Variants in ATRNL1 observed in about 807,000 individuals in gnomAD.
ATRNL1 encodes attractin like 1.
In ATRNL1, 95 loss-of-function variants were observed where a neutral mutation model predicts 182.7. That is an observed-to-expected ratio of 0.52 (90% CI 0.44 to 0.62). The LOEUF is 0.62. ATRNL1 is among the 20% of genes least tolerant of loss of function. The pLI, the probability that ATRNL1 is intolerant of heterozygous loss-of-function variation, is 0.00. For missense variants in ATRNL1, 1,471 were observed against 1,679.5 expected (o/e 0.88, Z 2.17); for synonymous variants, 576 against 568.3 (o/e 1.01, Z -0.19).
At chr10:115,557,917 C>T (rs183298633) in intron 26 of ATRNL1, among the ~76,000 whole-genome samples, 4 of 151,848 alleles carry the variant, frequency 2.6e-5, no homozygotes, top group African/African-American at 7.2e-5. Context: ...TGGTGGTGCA[C>T]GCCTGTAGTC....
chr10:115,374,650 G>A (rs1554949041), intron 19 of ATRNL1, among the ~76,000 whole-genome samples: 1 of 150,898 alleles, frequency 6.6e-6, no homozygotes, highest in Non-Finnish European at 1.5e-5. Flanking sequence ...GTATTGTTTT[G>A]TTCAACCCAT....
At chr10:115,510,520 G>A (rs10787575) in intron 24 of ATRNL1, among the ~76,000 whole-genome samples, 1 of 151,712 alleles carries the variant, frequency 6.6e-6, no homozygotes, top group African/African-American at 2.4e-5. Context: ...ATCATTAGCA[G>A]TTTTTAGCCA....
Position 115,108,388 on chromosome 10 carries a change from G to A in ATRNL1, c.294-11797G>A, listed in dbSNP as rs112874901. On this transcript the variant is annotated intron_variant, in intron 1 of 28. Coordinates refer to ENST00000355044, the MANE Select transcript of ATRNL1 (RefSeq NM_207303.4). The stretch of plus-strand genomic sequence containing the variant: ...AGGAGTAGAGGTTTAATAGGTAGAA[G>A]ATAAGAGAAAGAGAAACAGCCTCCT... 9.4e-3 allele frequency among the ~76,000 whole-genome samples: 1,434 copies of A among 152,280 alleles called. 10 individuals are homozygous for A. Among genetic ancestry groups the A allele is most frequent in the Non-Finnish European group, 0.016 (1,069 of 68,024 alleles).
chr10:115,901,934 C>G (rs1325031713), intron 28 of ATRNL1, among the ~76,000 whole-genome samples: 1 of 151,982 alleles, frequency 6.6e-6, no homozygotes, highest in Non-Finnish European at 1.5e-5. Context: ...TAAAGATTGA[C>G]CTAGGAAAGA....
chr10:115,111,029 T>C (rs577202124), intron 1 of ATRNL1, among the ~76,000 whole-genome samples: 3 of 152,316 alleles, frequency 2.0e-5, no homozygotes, highest in South Asian at 4.1e-4. Flanking sequence ...ATACTTCCAG[T>C]CTACCATTTG....
chr10:115,738,127 T>TTTTTTTTTGTTTTTTTTG lies in ATRNL1; in HGVS notation c.3903+10780_3903+10781insGTTTTTTTTGTTTTTTTT, dbSNP rs1948017955. 3.1e-4 allele frequency among the ~76,000 whole-genome samples: 7 copies of TTTTTTTTTGTTTTTTTTG among 22,646 alleles called. 1 individual carries two copies. The highest frequency in any genetic ancestry group is 1.2e-3 in the African/African-American group (7 of 6,068). The allele number at this position is 22,646 out of a possible 152,430, so 14.9% of individuals were successfully genotyped here. A position where few individuals can be genotyped will look rare whatever the true frequency, so the allele number is the denominator to read the frequency against. ...TAAAAAATGATTTAGAAGATAATGA[T>TTTTTTTTTGTTTTTTTTG]TTTTTTTTTTTTTTTTTTTTTTTTT... On this transcript the variant is annotated intron_variant, in intron 27 of 28. Transcript: ENST00000355044.
At chr10:115,377,414 T>C (rs1857736752) in intron 19 of ATRNL1, among the ~76,000 whole-genome samples, 1 of 152,196 alleles carries the variant, frequency 6.6e-6, no homozygotes, top group Admixed American at 6.5e-5. Context: ...CCATTAAACC[T>C]ATTCTTCTTC....
chr10:115,684,200 TCTA>T (rs1159094361), intron 26 of ATRNL1, among the ~76,000 whole-genome samples: 3 of 151,496 alleles, frequency 2.0e-5, no homozygotes, highest in African/African-American at 7.2e-5. Context: ...ATTTAAACTT[TCTA>T]CTTTTTGTTA....
intron 19 of ATRNL1, among the ~76,000 whole-genome samples, chr10:115,382,332 C>T (rs1858062281): frequency 6.6e-6 from 1 of 151,956 alleles, no homozygotes; most frequent in African/African-American, 2.4e-5. Context: ...CATGGGCTGT[C>T]TTTCAATTTA....
At position 115,269,076 on chromosome 10, in the gene ATRNL1, A is replaced by G. The variant is rs190439968; in HGVS notation, c.2100+632A>G. On this transcript the variant is annotated intron_variant, in intron 13 of 28. Coordinates refer to ENST00000355044, the MANE Select transcript of ATRNL1 (RefSeq NM_207303.4). ...GATTTTTTAACGTCCTTTTTCATCT[A>G]AAGTAGAGTTTTAGCACTATTGACA... is the stretch of plus-strand genomic sequence containing the variant. Among the ~76,000 whole-genome samples the G allele has an allele frequency of 1.7e-4, 26 of 152,282 alleles. No individual in the cohort carries two copies. The East Asian group carries it at 4.8e-3, about 28-fold the overall frequency.
At chr10:115,182,246 A>G (rs551559373) in intron 8 of ATRNL1, among the ~76,000 whole-genome samples, 7 of 151,668 alleles carry the variant, frequency 4.6e-5, no homozygotes, top group Non-Finnish European at 8.9e-5. Flanking sequence ...GAATCATGAT[A>G]AATGCTGATT....
chr10:115,353,757 G>A (rs1179928068), intron 19 of ATRNL1, among the ~76,000 whole-genome samples: 1 of 151,584 alleles, frequency 6.6e-6, no homozygotes, highest in African/African-American at 2.4e-5. Context: ...ATTACTGTGA[G>A]GCTTGCAAAA....
intron 26 of ATRNL1, among the ~76,000 whole-genome samples, chr10:115,630,661 AAT>A (rs1478996171): frequency 2.0e-5 from 3 of 148,970 alleles, no homozygotes; most frequent in African/African-American, 7.3e-5. Flanking sequence ...TAAATATTTA[AAT>A]ATATATTTAC....
intron 13 of ATRNL1, among the ~76,000 whole-genome samples, chr10:115,270,842 A>T (rs1046155744): frequency 3.3e-5 from 5 of 152,108 alleles, no homozygotes; most frequent in Non-Finnish European, 7.4e-5. Flanking sequence ...GGAAAAGTTG[A>T]CACATAAAAT....
intron 5 of ATRNL1, among the ~76,000 whole-genome samples, chr10:115,154,734 A>G (rs781875306): frequency 9.9e-5 from 15 of 152,062 alleles, no homozygotes; most frequent in African/African-American, 1.4e-4. Context: ...TTTAAATCCA[A>G]TGTTTCTTTT....
intron 28 of ATRNL1, among the ~76,000 whole-genome samples, chr10:115,856,428 C>CAAAAAAAAAAAAAACAAAAAAA (rs1951184497): frequency 4.4e-5 from 1 of 22,536 alleles, no homozygotes; most frequent in Non-Finnish European, 8.2e-5. Flanking sequence ...AGCTCCATCT[C>CAAAAAAAAAAAAAACAAAAAAA]AAAAAAAAAA....
rs188644865 is a variant in ATRNL1 at position 115,779,185 on chromosome 10, A to C, written c.3903+51830A>C. On this transcript the variant is annotated intron_variant, in intron 27 of 28. Coordinates refer to ENST00000355044, the MANE Select transcript of ATRNL1 (RefSeq NM_207303.4). ...TTCAAGCTTAGCACCTGGGAGTTTGATGGTGCTTCTAATAGAAATGGAAAT... is the reference window on the plus strand; with the variant it reads ...TTCAAGCTTAGCACCTGGGAGTTTGCTGGTGCTTCTAATAGAAATGGAAAT... 7.2e-5 allele frequency among the ~76,000 whole-genome samples: 11 copies of C among 152,310 alleles called. No individual in the cohort carries two copies. In the East Asian group the frequency reaches 2.1e-3, roughly 29 times the overall value.
Position 115,238,138 on chromosome 10 carries a change from G to T in ATRNL1, c.1533-3433G>T, listed in dbSNP as rs1035333771. Among the ~76,000 whole-genome samples, 5 of 152,006 alleles carry T rather than the reference G, an allele frequency of 3.3e-5. No homozygotes were observed. In the East Asian group the frequency reaches 9.6e-4, roughly 29 times the overall value. ...AGTCCCAGGGACTGACTTGATTATT[G>T]TAGCTTTATAGTAAGTCCCAAAGCC... is the stretch of plus-strand genomic sequence containing the variant. On this transcript the variant is annotated intron_variant, in intron 9 of 28. Transcript: ENST00000355044.
intron 10 of ATRNL1, among the ~76,000 whole-genome samples, chr10:115,257,438 C>G (rs1263123825): frequency 6.6e-6 from 1 of 152,166 alleles, no homozygotes; most frequent in Non-Finnish European, 1.5e-5. Flanking sequence ...TTATCAGAGA[C>G]TAGGATTGCA....
Sources: allele counts gnomAD v4.1 joint callset (sites outside exome capture counted in the v4.1 genomes callset), GRCh38; gene constraint gnomAD v4.1.1; transcripts MANE v1.5; gene names NCBI Gene and HGNC (gene_info 2026-07-23, HGNC 2026-07-21).